The following SIRT5 variants were observed in gnomAD, a reference collection of about 807,000 sequenced individuals.
SIRT5 encodes the protein sirtuin 5.
A neutral mutation model predicts 40.0 loss-of-function variants in SIRT5; 26 were observed. The observed-to-expected ratio is 0.65, with a 90% confidence interval of 0.48 to 0.90. The LOEUF (loss-of-function observed/expected upper bound fraction) is 0.90, where lower values mean the gene tolerates loss of function less well. SIRT5 is among the 40% of genes least tolerant of loss of function. SIRT5 has a pLI of 0.00. For missense variants in SIRT5, 401 were observed against 402.4 expected (o/e 1.00, Z 0.03); for synonymous variants, 146 against 149.1 (o/e 0.98, Z 0.15).
chr6:13,582,781 A>G (rs1264353283), intron 2 of SIRT5, among the ~76,000 whole-genome samples: 1 of 152,198 alleles, frequency 6.6e-6, no homozygotes, highest in Non-Finnish European at 1.5e-5. Context: ...TTCCTCAGGT[A>G]TAGACAAAGA....
In SIRT5 at chr6:13,611,987, G is replaced by T. The variant is rs200806538; in HGVS notation, c.*122G>T. On this transcript the variant is annotated 3_prime_UTR_variant, in exon 10 of 10. Transcript: ENST00000606117. ...TCTAAAAATAGCCTCTGATTCCCTC[G>T]CTGGAATCCAACCTGTTGATAAGTG... The T allele has an allele frequency of 1.5e-5, 13 of 869,374 alleles. No homozygotes were observed. In the East Asian group the frequency reaches 3.0e-4, roughly 20 times the overall value. The allele number at this position is 869,374 out of a possible 1,614,324, so 53.9% of individuals were successfully genotyped here. A position where few individuals can be genotyped will look rare whatever the true frequency, so the allele number is the denominator to read the frequency against.
At chr6:13,590,799 T>TTG (rs147312508) in intron 4 of SIRT5, among the ~76,000 whole-genome samples, 3 of 151,156 alleles carry the variant, frequency 2.0e-5, no homozygotes, top group African/African-American at 7.3e-5. Context: ...GTGTATGTAG[T>TTG]TGTGTGTGTG....
chr6:13,591,768 G>A lies in SIRT5; in HGVS notation c.349G>A (p.Gly117Arg), dbSNP rs146470521. Residue 117 changes from glycine to arginine, a missense_variant, in exon 5 of 10, where the codon GGG (glycine) becomes AGG (arginine). Physicochemically the swap from Gly to Arg is moderately radical, Grantham distance 125 (BLOSUM62 -2). Transcript: ENST00000606117. ...EVMGSKEPNA[G>R]HRAIAECETR... ...CATGGGGAGCAAGGAGCCCAACGCC[G>A]GGCACCGCGCCATAGCCGAGTGTGA... 1.5e-4 allele frequency: 244 copies of A among 1,613,774 alleles called. 3 individuals are homozygous for A. The highest frequency in any genetic ancestry group is 7.0e-4 in the South Asian group (64 of 91,060).
intron 9 of SIRT5, among the ~76,000 whole-genome samples, chr6:13,603,119 T>C (rs1762615021): frequency 1.3e-5 from 2 of 151,712 alleles, no homozygotes; most frequent in South Asian, 4.2e-4. Flanking sequence ...CTACTAAAAA[T>C]ACAAAAAATT....
chr6:13,584,016 C>T, intron 2 of SIRT5, 60 bp from the exon 3 acceptor site: 4 of 701,574 alleles, frequency 5.7e-6, no homozygotes, highest in Non-Finnish European at 9.7e-6. Flanking sequence ...TACATATTTC[C>T]ATATATAAAA....
chr6:13,596,547 C>T (rs1761590863), intron 6 of SIRT5, among the ~76,000 whole-genome samples: 1 of 151,962 alleles, frequency 6.6e-6, no homozygotes. Flanking sequence ...AGTACAGTGG[C>T]ACAATCACAC....
chr6:13,587,134 T>C (rs1760184617), intron 3 of SIRT5, among the ~76,000 whole-genome samples: 1 of 147,546 alleles, frequency 6.8e-6, no homozygotes, highest in Non-Finnish European at 1.5e-5. Context: ...AGGGTGGCCA[T>C]CCTTGGAAGA....
chr6:13,605,490 T>C, intron 9 of SIRT5: 1 of 985,382 alleles, frequency 1.0e-6, no homozygotes, highest in Non-Finnish European at 1.2e-6. Context: ...ATGCTGCCTA[T>C]ATTTTAATAA....
chr6:13,598,906 G>A, intron 7 of SIRT5, 126 bp from the exon 8 acceptor site: 1 of 1,017,848 alleles, frequency 9.8e-7, no homozygotes, highest in Non-Finnish European at 1.4e-6. Context: ...GAGGGAGGGT[G>A]TAGGGAATAA....
rs1003051428 is a variant in SIRT5, at chr6:13,613,572, C to T, written c.*1707C>T. On this transcript the variant is annotated 3_prime_UTR_variant, in exon 10 of 10. Coordinates refer to ENST00000606117, the MANE Select transcript of SIRT5 (RefSeq NM_012241.5). Reference sequence around the variant, plus strand: ...GGCAACAAGACACTATCATATAAAACTTTGTACTGCATTGCAAGGCATAAC... The same window carrying T: ...GGCAACAAGACACTATCATATAAAATTTTGTACTGCATTGCAAGGCATAAC... The T allele has an allele frequency of 1.3e-5, 2 of 152,234 alleles. No individual in the cohort carries two copies. Among genetic ancestry groups the T allele is most frequent in the African/African-American group, 4.8e-5 (2 of 41,432 alleles). 9.4% of individuals were successfully genotyped at this position (152,234 alleles called of 1,614,324 possible).
rs757468533 is a variant in SIRT5, at chr6:13,595,490, A to G, written c.489A>G (p.Lys163=). 2 of 1,614,054 alleles carry G rather than the reference A, an allele frequency of 1.2e-6. No individual in the cohort carries two copies. Among genetic ancestry groups the G allele is most frequent in the Non-Finnish European group, 1.7e-6 (2 of 1,179,916 alleles). The change falls in exon 6 of 10, where the codon AAA becomes AAG. Residue 163 remains lysine (K), a synonymous_variant. Transcript: ENST00000606117. The part of the protein sequence containing the change: ...NLLEIHGSLF[K]TRCTSCGVVA... ...TGTATTTTTCAGGTAGCTTATTTAA[A>G]ACTCGATGTACCTCTTGTGGAGTTG...
At position 13,599,055 on chromosome 6, in the gene SIRT5, G is replaced by T. The variant is rs772115045; in HGVS notation, c.641G>T (p.Gly214Val). Residue 214 changes from glycine (G) to valine (V), a missense_variant, in exon 8 of 10, where the codon GGC becomes GTC. Coordinates refer to ENST00000606117, the MANE Select transcript of SIRT5 (RefSeq NM_012241.5). ...LPRCEEAGCG[G>V]LLRPHVVWFG... ...AGGTGTGAAGAGGCAGGCTGCGGGGGCTTGCTGCGACCTCACGTCGTGTGG... is the reference window on the plus strand; with the variant it reads ...AGGTGTGAAGAGGCAGGCTGCGGGGTCTTGCTGCGACCTCACGTCGTGTGG... 1.2e-6 allele frequency: 2 copies of T among 1,614,036 alleles called. No homozygotes were observed. The highest frequency in any genetic ancestry group is 8.5e-7 in the Non-Finnish European group (1 of 1,179,986).
At chr6:13,581,994 C>G (rs147958664) in intron 2 of SIRT5, among the ~76,000 whole-genome samples, 3 of 152,306 alleles carry the variant, frequency 2.0e-5, no homozygotes, top group African/African-American at 7.2e-5. Flanking sequence ...AAATCCAGAA[C>G]AAAGCCCCAC....
intron 3 of SIRT5, chr6:13,585,256 AT>A (rs1218720754): frequency 9.2e-5 from 14 of 151,588 alleles, no homozygotes; most frequent in African/African-American, 3.4e-4. Flanking sequence ...TTTATTTTTT[AT>A]TATAATTTAA....
In SIRT5 at chr6:13,608,149, A is replaced by G. The variant is rs187064519; in HGVS notation, c.858-3641A>G. Reference sequence around the variant, plus strand: ...TGAATGTTATAACTATCTGGTACATACCACCATCCATTTACAAAATAAATA... The same window carrying G: ...TGAATGTTATAACTATCTGGTACATGCCACCATCCATTTACAAAATAAATA... On this transcript the variant is annotated intron_variant, in intron 9 of 9. Transcript: ENST00000606117. 1.1e-3 allele frequency among the ~76,000 whole-genome samples: 174 copies of G among 152,366 alleles called. 2 individuals carry two copies. Among genetic ancestry groups the G allele is most frequent in the African/African-American group, 4.0e-3 (168 of 41,586 alleles).
At chr6:13,598,938 C>T in intron 7 of SIRT5, 94 bp from the exon 8 acceptor site, 2 of 1,487,000 alleles carry the variant, frequency 1.3e-6, no homozygotes, top group East Asian at 2.3e-5. Context: ...GGTGACCCAT[C>T]TGGATGTACT....
intron 6 of SIRT5, among the ~76,000 whole-genome samples, 194 bp from the exon 7 acceptor site, chr6:13,596,769 G>A (rs1761616407): frequency 6.6e-6 from 1 of 152,244 alleles, no homozygotes; most frequent in Non-Finnish European, 1.5e-5. Context: ...TTACAGGCAT[G>A]AGCCACTGTG....
intron 9 of SIRT5, among the ~76,000 whole-genome samples, chr6:13,603,276 C>CAAAAA (rs36093293): frequency 4.1e-5 from 2 of 49,286 alleles, no homozygotes; most frequent in Non-Finnish European, 9.0e-5. Context: ...GACTCCGTCT[C>CAAAAA]AAAAAAAAAA....
chr6:13,614,234 T>G lies in SIRT5; in HGVS notation c.*2369T>G, dbSNP rs1764167896. The G allele has an allele frequency of 6.6e-6, 1 of 152,312 alleles. No individual in the cohort carries two copies. Among genetic ancestry groups the G allele is most frequent in the South Asian group, 2.1e-4 (1 of 4,824 alleles). The allele number at this position is 152,312 out of a possible 1,614,324, so 9.4% of individuals were successfully genotyped here. On this transcript the variant is annotated 3_prime_UTR_variant, in exon 10 of 10. Coordinates refer to ENST00000606117, the MANE Select transcript of SIRT5 (RefSeq NM_012241.5). ...TGGCTGGAGCAACTGTCATATAAGC[T>G]GTTATGAAGTGCAGAAACTACACAG... is the stretch of plus-strand genomic sequence containing the variant.
Sources: allele counts gnomAD v4.1 joint callset (sites outside exome capture counted in the v4.1 genomes callset), GRCh38; gene constraint gnomAD v4.1.1; transcripts MANE v1.5; gene names NCBI Gene and HGNC (gene_info 2026-07-23, HGNC 2026-07-21).